Variants in GFRA1 observed in about 807,000 individuals in gnomAD.
GFRA1 encodes GDNF family receptor alpha-1.
In GFRA1, 16 loss-of-function variants were observed where a neutral mutation model predicts 51.6. The observed-to-expected ratio is 0.31, with a 90% CI of 0.21 to 0.47. The LOEUF (loss-of-function observed/expected upper bound fraction) is 0.47, where lower values mean the gene tolerates loss of function less well. GFRA1 is among the 20% of genes least tolerant of loss of function. The pLI is 1.00. For synonymous variants in GFRA1, 270 were observed against 241.3 expected (o/e 1.12, Z -1.10); for missense variants, 530 against 594.3 (o/e 0.89, Z 1.13).
chr10:116,218,010 G>T (rs1223787965), intron 4 of GFRA1, among the ~76,000 whole-genome samples: 2 of 152,174 alleles, frequency 1.3e-5, no homozygotes, highest in Admixed American at 6.5e-5. Context: ...TTGTCATCCT[G>T]TAGCTATATG....
intron 9 of GFRA1, among the ~76,000 whole-genome samples, chr10:116,084,369 T>C (rs1303424380): frequency 6.6e-6 from 1 of 152,236 alleles, no homozygotes; most frequent in Non-Finnish European, 1.5e-5. Context: ...TGGTCCTCCA[T>C]GTCTCACCCA....
chr10:116,205,395 T>TGAAACG (rs1382404393), intron 5 of GFRA1, among the ~76,000 whole-genome samples: 1 of 151,812 alleles, frequency 6.6e-6, no homozygotes. Flanking sequence ...GCCAACAAGG[T>TGAAACG]GAAACCCCAT....
chr10:116,205,034 TATG>T (rs201998039), intron 5 of GFRA1, among the ~76,000 whole-genome samples: 1 of 152,202 alleles, frequency 6.6e-6, no homozygotes, highest in East Asian at 1.9e-4. Flanking sequence ...GTGCCCTTGA[TATG>T]ATGTGACACA....
chr10:116,269,142 A>G (rs1348478169), intron 4 of GFRA1, among the ~76,000 whole-genome samples: 1 of 152,194 alleles, frequency 6.6e-6, no homozygotes, highest in Non-Finnish European at 1.5e-5. Context: ...CCAGGGAGGC[A>G]CTATGTAAGG....
intron 5 of GFRA1, among the ~76,000 whole-genome samples, chr10:116,150,406 C>T (rs186334899): frequency 5.3e-5 from 8 of 152,280 alleles, no homozygotes; most frequent in South Asian, 2.1e-4. Context: ...CTGCAGTTCC[C>T]GGTCAATATG....
At chr10:116,087,260 G>T (rs1956138827) in intron 9 of GFRA1, among the ~76,000 whole-genome samples, 1 of 57,538 alleles carries the variant, frequency 1.7e-5, no homozygotes, top group Non-Finnish European at 3.3e-5. Context: ...GCCCAAGTCA[G>T]GATTTGGGCG....
chr10:116,125,817 G>A lies in GFRA1; in HGVS notation c.434-260C>T, dbSNP rs115753725. On this transcript the variant is annotated intron_variant, in intron 5 of 10. Coordinates refer to ENST00000355422, the MANE Select transcript of GFRA1 (RefSeq NM_005264.8). The stretch of plus-strand genomic sequence containing the variant: ...GAGGCGCTAGGTGAGGCCAAAACTC[G>A]GGCACCTGCCCCACTACATGCAAAT... 2.8e-3 allele frequency among the ~76,000 whole-genome samples: 422 copies of A among 152,254 alleles called. 2 individuals are homozygous for A. The highest frequency in any genetic ancestry group is 9.6e-3 in the African/African-American group (399 of 41,548).
intron 6 of GFRA1, among the ~76,000 whole-genome samples, chr10:116,120,857 T>G (rs1336507378): frequency 1.3e-5 from 2 of 152,216 alleles, no homozygotes; most frequent in Non-Finnish European, 2.9e-5. Context: ...GCAAGGCCAC[T>G]AAACCACCAA....
intron 9 of GFRA1, 85 bp from the exon 10 acceptor site, chr10:116,065,711 T>C (rs990837685): frequency 2.0e-6 from 2 of 1,003,816 alleles, no homozygotes; most frequent in African/African-American, 3.2e-5. Flanking sequence ...TCTAGGGCAA[T>C]GCTCTCTGAT....
intron 4 of GFRA1, among the ~76,000 whole-genome samples, chr10:116,229,196 T>C (rs1390026240): frequency 6.6e-6 from 1 of 152,076 alleles, no homozygotes; most frequent in Non-Finnish European, 1.5e-5. Context: ...GGGTAATTTG[T>C]TGCAGAAGCA....
intron 4 of GFRA1, among the ~76,000 whole-genome samples, chr10:116,241,190 G>A (rs1306673783): frequency 6.6e-6 from 1 of 152,140 alleles, no homozygotes; most frequent in Non-Finnish European, 1.5e-5. Flanking sequence ...TGTTTTGCCA[G>A]AACTTAAAGA....
chr10:116,118,427 G>A (rs375797662), intron 6 of GFRA1, among the ~76,000 whole-genome samples: 3 of 152,066 alleles, frequency 2.0e-5, no homozygotes, highest in African/African-American at 7.2e-5. Flanking sequence ...CTATGGCACC[G>A]AGTTTTCTTC....
intron 4 of GFRA1, among the ~76,000 whole-genome samples, chr10:116,259,837 C>A (rs1024980162): frequency 6.6e-5 from 10 of 152,302 alleles, no homozygotes; most frequent in Non-Finnish European, 1.3e-4. Context: ...CCTCTCTGAT[C>A]CCAGCTTTTC....
At chr10:116,165,412 G>A (rs1421730245) in intron 5 of GFRA1, among the ~76,000 whole-genome samples, 1 of 146,104 alleles carries the variant, frequency 6.8e-6, no homozygotes, top group Non-Finnish European at 1.5e-5. Context: ...CACAGGGCCA[G>A]GATATAACTC....
intron 4 of GFRA1, among the ~76,000 whole-genome samples, chr10:116,236,218 G>T (rs1966872931): frequency 6.6e-6 from 1 of 152,066 alleles, no homozygotes; most frequent in East Asian, 1.9e-4. Flanking sequence ...GCCCAAGGGG[G>T]ACCTGCACTC....
intron 5 of GFRA1, among the ~76,000 whole-genome samples, chr10:116,149,793 A>G (rs373983580): frequency 2.0e-5 from 3 of 152,278 alleles, no homozygotes; most frequent in African/African-American, 7.2e-5. Context: ...GCTGGGTAGG[A>G]TATGAGTGTG....
intron 5 of GFRA1, among the ~76,000 whole-genome samples, chr10:116,174,411 C>A (rs368705257): frequency 6.6e-6 from 1 of 152,140 alleles, no homozygotes; most frequent in Non-Finnish European, 1.5e-5. Context: ...ATTTTAGTCA[C>A]GAGAATCATT....
At chr10:116,135,159 AG>A (rs2134067797) in intron 5 of GFRA1, among the ~76,000 whole-genome samples, 1 of 152,292 alleles carries the variant, frequency 6.6e-6, no homozygotes, top group South Asian at 2.1e-4. Context: ...CATCAGATGG[AG>A]GGACAGGCAT....
At chr10:116,231,238 G>A (rs1196115639) in intron 4 of GFRA1, among the ~76,000 whole-genome samples, 1 of 152,126 alleles carries the variant, frequency 6.6e-6, no homozygotes, top group African/African-American at 2.4e-5. Flanking sequence ...CTGTCCTAAT[G>A]ACTTTGTCCC....
Sources: gnomAD v4.1 joint callset for allele counts (sites outside exome capture counted in the v4.1 genomes callset) on GRCh38, gnomAD v4.1.1 for gene constraint, MANE v1.5 for transcripts, NCBI Gene and HGNC (gene_info 2026-07-23, HGNC 2026-07-21) for gene names.